ADGRL3: variants seen among roughly 807,000 people sequenced by gnomAD.
ADGRL3 encodes the protein adhesion G protein-coupled receptor L3.
Under a neutral mutation model 153.5 loss-of-function variants are expected in ADGRL3, and 62 were observed. That is an observed-to-expected ratio of 0.40 (90% CI 0.33 to 0.50). The LOEUF (loss-of-function observed/expected upper bound fraction) is 0.50. ADGRL3 is among the 20% of genes least tolerant of loss of function. The probability of loss-of-function intolerance (pLI) is 0.47; values close to 1 mark genes in which losing one functional copy is unlikely to be tolerated. For missense variants in ADGRL3, 1,641 were observed against 1,859.4 expected, an observed-to-expected ratio of 0.88 and a Z score of 2.16; for synonymous variants, 710 against 672.5, an observed-to-expected ratio of 1.06 and a Z score of -0.86.
At chr4:61,586,155 G>A (rs1044506731) in intron 4 of ADGRL3, among the ~76,000 whole-genome samples, 1 of 151,976 alleles carries the variant, frequency 6.6e-6, no homozygotes, top group East Asian at 1.9e-4. Flanking sequence ...TCATTTTCAA[G>A]TTTATTTGAA....
chr4:61,250,675 G>T (rs981235409), intron 1 of ADGRL3, among the ~76,000 whole-genome samples: 1 of 152,072 alleles, frequency 6.6e-6, no homozygotes, highest in Non-Finnish European at 1.5e-5. Flanking sequence ...CATTTTTGAC[G>T]TGCATGCTTA....
chr4:61,218,442 T>G (rs1743887472), intron 1 of ADGRL3, among the ~76,000 whole-genome samples: 1 of 152,152 alleles, frequency 6.6e-6, no homozygotes, highest in Admixed American at 6.5e-5. Flanking sequence ...CACGAGTAGC[T>G]GGGACTACAG....
chr4:61,708,817 T>C (rs2095904587), intron 6 of ADGRL3, among the ~76,000 whole-genome samples: 2 of 152,090 alleles, frequency 1.3e-5, no homozygotes, highest in Admixed American at 6.6e-5. Flanking sequence ...TATTTATTTA[T>C]TTATTTATTT....
At position 61,682,182 on chromosome 4, in the gene ADGRL3, A is replaced by G. The variant is rs79079610; in HGVS notation, c.583+5247A>G. The stretch of plus-strand genomic sequence containing the variant: ...AGAATGATACCAGCAACCTTTTTTC[A>G]TATTATTATTATTATTATGTATGCC... On this transcript the variant is annotated intron_variant, in intron 6 of 26. Coordinates refer to ENST00000683033, the MANE Select transcript of ADGRL3 (RefSeq NM_001387552.1). Among the ~76,000 whole-genome samples the G allele has an allele frequency of 3.8e-3, 571 of 151,740 alleles. 32 individuals are homozygous for G. In the East Asian group the frequency reaches 0.098, roughly 26 times the overall value.
chr4:61,945,630 G>A (rs554638484), intron 15 of ADGRL3, among the ~76,000 whole-genome samples: 9 of 137,882 alleles, frequency 6.5e-5, no homozygotes, highest in Non-Finnish European at 1.3e-4. Context: ...GTGGGATATA[G>A]TCTCGTGGTG....
At chr4:61,517,717 G>A (rs1350663894) in intron 4 of ADGRL3, among the ~76,000 whole-genome samples, 199 bp downstream of exon 4, 1 of 152,068 alleles carries the variant, frequency 6.6e-6, no homozygotes, top group African/African-American at 2.4e-5. Context: ...TTCTACATCA[G>A]AGCTTCAACA....
intron 1 of ADGRL3, among the ~76,000 whole-genome samples, chr4:61,341,445 T>G (rs1229440820): frequency 6.6e-6 from 1 of 151,678 alleles, no homozygotes; most frequent in Non-Finnish European, 1.5e-5. Flanking sequence ...GCAAATGCTG[T>G]AAGTGATTTA....
intron 5 of ADGRL3, among the ~76,000 whole-genome samples, chr4:61,646,585 G>C (rs1228040629): frequency 6.6e-6 from 1 of 151,440 alleles, no homozygotes; most frequent in Non-Finnish European, 1.5e-5. Context: ...CAGTTAGGCT[G>C]TTCGGGGGTC....
chr4:61,817,971 C>T (rs907479982), intron 9 of ADGRL3, among the ~76,000 whole-genome samples: 6 of 152,056 alleles, frequency 3.9e-5, no homozygotes, highest in Non-Finnish European at 8.8e-5. Context: ...CACAGCCAAA[C>T]CATATCATCC....
chr4:61,961,720 T>C (rs911492466), intron 17 of ADGRL3, among the ~76,000 whole-genome samples: 1 of 152,180 alleles, frequency 6.6e-6, no homozygotes, highest in African/African-American at 2.4e-5. Flanking sequence ...GTCTTTCTAT[T>C]TGAGGAGGGG....
At position 61,676,889 on chromosome 4, in the gene ADGRL3, A is replaced by C; in HGVS notation, c.537A>C (p.Pro179=). The part of the protein sequence containing the change: ...AGPDVFPDPC[P]GTYKYLEVQY... ...CTGATGTTTTTCCAGACCCGTGTCC[A>C]GGAACCTATAAATACCTTGAAGTGC... Residue 179 remains proline (P), a synonymous_variant, in exon 6 of 27, where the codon CCA becomes CCC. Transcript: ENST00000683033. The C allele has an allele frequency of 6.2e-7, 1 of 1,612,216 alleles. No homozygotes were observed. Among genetic ancestry groups the C allele is most frequent in the Non-Finnish European group, 8.5e-7 (1 of 1,178,648 alleles).
chr4:62,064,009 G>A (rs1022266709), intron 25 of ADGRL3, among the ~76,000 whole-genome samples: 1 of 151,974 alleles, frequency 6.6e-6, no homozygotes, highest in African/African-American at 2.4e-5. Flanking sequence ...TGATTCAATA[G>A]TCTTAATATT....
intron 11 of ADGRL3, among the ~76,000 whole-genome samples, chr4:61,899,264 C>T (rs1002350891): frequency 2.6e-5 from 4 of 152,032 alleles, no homozygotes; most frequent in Non-Finnish European, 5.9e-5. Context: ...CTTTGCCCTT[C>T]ACCTCCCCTC....
intron 3 of ADGRL3, among the ~76,000 whole-genome samples, chr4:61,509,120 A>G (rs1427169744): frequency 1.5e-5 from 2 of 137,534 alleles, no homozygotes; most frequent in Non-Finnish European, 3.1e-5. Context: ...AAACCATATC[A>G]CATCTTTTTT....
Position 61,606,438 on chromosome 4 carries a change from A to C in ADGRL3, c.473+18998A>C, listed in dbSNP as rs548550983. 6.6e-5 allele frequency among the ~76,000 whole-genome samples: 10 copies of C among 152,306 alleles called. No homozygotes were observed. In the South Asian group the frequency reaches 1.7e-3, roughly 25 times the overall value. On this transcript the variant is annotated intron_variant, in intron 5 of 26. Transcript: ENST00000683033. ...TCACATTTCTGGAGTCTAGAAGTTC[A>C]AGATCAAGGTATTGTCAAGGCCTTT...
At chr4:61,236,886 C>G (rs1014234262) in intron 1 of ADGRL3, among the ~76,000 whole-genome samples, 1 of 152,094 alleles carries the variant, frequency 6.6e-6, no homozygotes, top group Admixed American at 6.6e-5. Context: ...CTGTCTGGAC[C>G]TGAGTTCTTC....
intron 25 of ADGRL3, among the ~76,000 whole-genome samples, chr4:62,058,984 A>G (rs749066720): frequency 3.3e-5 from 5 of 152,170 alleles, no homozygotes; most frequent in Non-Finnish European, 5.9e-5. Flanking sequence ...GGGGAAGAAG[A>G]CAGCTTCTGT....
At chr4:61,973,534 ATTGTT>A (rs2099037005) in intron 17 of ADGRL3, among the ~76,000 whole-genome samples, 1 of 152,118 alleles carries the variant, frequency 6.6e-6, no homozygotes, top group African/African-American at 2.4e-5. Flanking sequence ...AAAAACAATT[ATTGTT>A]TGTATAAAAA....
chr4:61,980,223 A>G (rs1283144461), intron 18 of ADGRL3, among the ~76,000 whole-genome samples: 1 of 148,488 alleles, frequency 6.7e-6, no homozygotes, highest in African/African-American at 2.5e-5. Context: ...TCTGGGTTTG[A>G]GTATAATTTT....
Sources: allele counts gnomAD v4.1 joint callset (sites outside exome capture counted in the v4.1 genomes callset), GRCh38; gene constraint gnomAD v4.1.1; transcripts MANE v1.5; gene names NCBI Gene and HGNC (gene_info 2026-07-23, HGNC 2026-07-21).